The following KIF26B variants were observed in gnomAD, a reference collection of about 807,000 sequenced individuals.
KIF26B encodes kinesin-like protein KIF26B.
A neutral mutation model predicts 151.2 loss-of-function variants in KIF26B; 63 were observed. The observed-to-expected ratio is 0.42, with a 90% CI of 0.34 to 0.51. KIF26B has a LOEUF of 0.51. Ranked by LOEUF, KIF26B falls within the 20% of genes least tolerant of loss-of-function variation. KIF26B has a pLI of 0.07. For synonymous variants in KIF26B, 1,357 were observed against 1,262.1 expected (o/e 1.08, Z -1.59); for missense variants, 2,813 against 2,913.6 (o/e 0.97, Z 0.79).
At chr1:245,451,388 C>A (rs1659385678) in intron 4 of KIF26B, among the ~76,000 whole-genome samples, 1 of 151,714 alleles carries the variant, frequency 6.6e-6, no homozygotes, top group Non-Finnish European at 1.5e-5. Flanking sequence ...AGGGTAACAG[C>A]CTCTTTGTTT....
intron 12 of KIF26B, among the ~76,000 whole-genome samples, chr1:245,693,431 G>A (rs1028244135): frequency 3.3e-5 from 5 of 152,196 alleles, no homozygotes; most frequent in African/African-American, 1.2e-4. Context: ...TTCATTGATG[G>A]GCTGGTTGCT....
At chr1:245,219,512 C>T (rs1204596810) in intron 2 of KIF26B, among the ~76,000 whole-genome samples, 1 of 152,026 alleles carries the variant, frequency 6.6e-6, no homozygotes, top group African/African-American at 2.4e-5. Context: ...GCAGGCAGAT[C>T]GCTTGAGCCC....
intron 12 of KIF26B, among the ~76,000 whole-genome samples, chr1:245,697,868 C>T (rs1408009855): frequency 6.6e-6 from 1 of 151,712 alleles, no homozygotes. Flanking sequence ...AGCAAGATGT[C>T]GTCTCTCAAA....
chr1:245,578,777 T>A (rs1254164205), intron 5 of KIF26B, among the ~76,000 whole-genome samples: 1 of 152,224 alleles, frequency 6.6e-6, no homozygotes, highest in East Asian at 1.9e-4. Context: ...ACCAGGCTGG[T>A]CCAAGGTGCC....
chr1:245,686,665 C>A lies in KIF26B; in HGVS notation c.3682C>A (p.Pro1228Thr). 1 of 1,611,640 alleles carries A rather than the reference C, an allele frequency of 6.2e-7. No homozygotes were observed. Among genetic ancestry groups the A allele is most frequent in the South Asian group, 1.1e-5 (1 of 90,750 alleles). ...ACGGGCCCTGGCCTCGGGCTCGCGGCCCGTCAGCATCATCAGCAGCATCAG... is the reference window on the plus strand; with the variant it reads ...ACGGGCCCTGGCCTCGGGCTCGCGGACCGTCAGCATCATCAGCAGCATCAG... ...SARALASGSR[P>T]VSIISSISED... The change falls in exon 12 of 15, where the codon CCC becomes ACC. Residue 1228 changes from proline to threonine, a missense_variant. Pro to Thr is a conservative substitution (Grantham distance 38, BLOSUM62 -1). Coordinates refer to ENST00000407071, the MANE Select transcript of KIF26B (RefSeq NM_018012.4). The surrounding 1 kb of genome is among the most constrained non-coding windows in gnomAD (Gnocchi z 5.6).
intron 4 of KIF26B, among the ~76,000 whole-genome samples, chr1:245,462,961 A>G (rs958150936): frequency 6.6e-6 from 1 of 152,170 alleles, no homozygotes; most frequent in African/African-American, 2.4e-5. Flanking sequence ...TGTGGAGACA[A>G]GGCTTCCTAC....
At chr1:245,201,454 G>A (rs989228591) in intron 2 of KIF26B, among the ~76,000 whole-genome samples, 1 of 152,130 alleles carries the variant, frequency 6.6e-6, no homozygotes, top group Non-Finnish European at 1.5e-5. Flanking sequence ...TCCTCCAATC[G>A]CTTCTAACCT....
intron 2 of KIF26B, among the ~76,000 whole-genome samples, chr1:245,157,132 C>A (rs900628003): frequency 3.9e-5 from 6 of 152,028 alleles, no homozygotes; most frequent in Non-Finnish European, 7.3e-5. Context: ...TCCATCCTTT[C>A]CGCGGTTGCA....
intron 10 of KIF26B, among the ~76,000 whole-genome samples, chr1:245,656,216 C>T (rs566303932): frequency 2.0e-3 from 238 of 120,468 alleles, no homozygotes; most frequent in Non-Finnish European, 3.2e-3. Context: ...AGCGCTGAAT[C>T]GGCACTAAGG....
At position 245,560,518 on chromosome 1, in the gene KIF26B, T is replaced by C. The variant is rs2042936007; in HGVS notation, c.1350+19568T>C. On this transcript the variant is annotated intron_variant, in intron 5 of 14. Coordinates refer to ENST00000407071, the MANE Select transcript of KIF26B (RefSeq NM_018012.4). This position sits in a 1 kb window ranked among gnomAD's most constrained non-coding sequence, Gnocchi z 4.3. The stretch of plus-strand genomic sequence containing the variant: ...GGGTGTTGATCTCCTTATGATACTC[T>C]CGGTTCCTAATTATGTTAGAAAAAA... 6.6e-6 allele frequency among the ~76,000 whole-genome samples: 1 copy of C among 151,514 alleles called. No individual in the cohort carries two copies. The highest frequency in any genetic ancestry group is 2.0e-4 in the East Asian group (1 of 5,106).
At chr1:245,228,567 C>CAA (rs111647275) in intron 2 of KIF26B, among the ~76,000 whole-genome samples, 7 of 115,774 alleles carry the variant, frequency 6.0e-5, no homozygotes, top group Admixed American at 1.8e-4. Flanking sequence ...AACTCCATCT[C>CAA]AAAAAAAAAA....
At chr1:245,551,927 G>T (rs890613784) in intron 5 of KIF26B, among the ~76,000 whole-genome samples, 7 of 152,128 alleles carry the variant, frequency 4.6e-5, no homozygotes, top group African/African-American at 1.7e-4. Context: ...TCACTCTTTA[G>T]ATGACTGATC....
At chr1:245,596,788 G>A (rs1771529) in intron 5 of KIF26B, among the ~76,000 whole-genome samples, 23,257 of 152,060 alleles carry the variant, frequency 0.15, 2,348 homozygotes, top group African/African-American at 0.29. Flanking sequence ...GTAGGTCTCT[G>A]AGAATTTGCT....
At chr1:245,485,618 A>C (rs1250276183) in intron 4 of KIF26B, among the ~76,000 whole-genome samples, 1 of 152,178 alleles carries the variant, frequency 6.6e-6, no homozygotes, top group Non-Finnish European at 1.5e-5. Context: ...TCCTGACCTC[A>C]AGTGATCTGC....
At chr1:245,340,449 G>A (rs1389763724) in intron 2 of KIF26B, among the ~76,000 whole-genome samples, 1 of 150,674 alleles carries the variant, frequency 6.6e-6, no homozygotes, top group East Asian at 2.0e-4. Flanking sequence ...ATCCATAAAT[G>A]TGGAACCCAC....
chr1:245,570,803 G>A (rs935719893), intron 5 of KIF26B, among the ~76,000 whole-genome samples: 1 of 152,174 alleles, frequency 6.6e-6, no homozygotes, highest in African/African-American at 2.4e-5. Flanking sequence ...GTCAGCTGAT[G>A]CTCAAACTGA....
At chr1:245,299,098 C>A (rs371035791) in intron 2 of KIF26B, among the ~76,000 whole-genome samples, 1 of 152,204 alleles carries the variant, frequency 6.6e-6, no homozygotes, top group South Asian at 2.1e-4. Context: ...TAACCCAGCT[C>A]GCTGCCTCCC....
At chr1:245,337,252 A>G (rs1558394014) in intron 2 of KIF26B, among the ~76,000 whole-genome samples, 2 of 147,640 alleles carry the variant, frequency 1.4e-5, no homozygotes, top group African/African-American at 2.5e-5. Flanking sequence ...GCTCACTGCA[A>G]CCTCTACCTC....
chr1:245,187,133 G>A (rs1669014594), intron 2 of KIF26B, among the ~76,000 whole-genome samples: 1 of 152,198 alleles, frequency 6.6e-6, no homozygotes, highest in Non-Finnish European at 1.5e-5. Context: ...GGGATTACAG[G>A]TGTGAGCCAC....
Sources: allele counts gnomAD v4.1 joint callset (sites outside exome capture counted in the v4.1 genomes callset), GRCh38; gene constraint gnomAD v4.1.1; non-coding constraint Gnocchi (gnomAD v3.1); transcripts MANE v1.5; gene names NCBI Gene and HGNC (gene_info 2026-07-23, HGNC 2026-07-21).